Variants in KIF13A observed in about 807,000 individuals in gnomAD.
KIF13A encodes kinesin-like protein KIF13A.
KIF13A carries 79 observed loss-of-function variants against 212.2 expected under a neutral mutation model. The observed-to-expected ratio is 0.37, with a 90% confidence interval of 0.31 to 0.45. The LOEUF is 0.45. Among genes scored for constraint, KIF13A ranks in the 20% least tolerant of loss-of-function variants. The probability of loss-of-function intolerance (pLI) is 1.00; values close to 1 mark genes in which losing one functional copy is unlikely to be tolerated. For missense variants in KIF13A, 1,901 were observed against 2,209.0 expected (o/e 0.86, Z 2.79); for synonymous variants, 789 against 808.6 (o/e 0.98, Z 0.41).
chr6:17,817,042 C>T lies in KIF13A; in HGVS notation c.1978G>A (p.Val660Met). Residue 660 changes from valine to methionine, a missense_variant, in exon 17 of 39, where the codon GTG (valine) becomes ATG (methionine). Coordinates refer to ENST00000259711, the MANE Select transcript of KIF13A (RefSeq NM_022113.6). ...TACCTCTCTTCTGCCCACTGGGTCA[C>T]CTTCTGCTGCGCTGTCTGGCTGCTG... ...AYSSQTAQQK[V>M]TQWAEERDEL... 1 of 1,612,504 alleles carries T rather than the reference C, an allele frequency of 6.2e-7. No individual in the cohort carries two copies. The highest frequency in any genetic ancestry group is 8.5e-7 in the Non-Finnish European group (1 of 1,179,656).
At chr6:17,942,502 A>T (rs1199237459) in intron 2 of KIF13A, among the ~76,000 whole-genome samples, 3 of 152,270 alleles carry the variant, frequency 2.0e-5, no homozygotes, top group South Asian at 2.1e-4. Context: ...CCTACCTCAT[A>T]AAGTTGCAGC....
In KIF13A at chr6:17,772,099, C is replaced by G; in HGVS notation, c.4325-40G>C. ...AAGTTATGAGGTTACAGATGCTGAACACTTTAAGCAAAACATAGGAACTGA... is the reference window on the plus strand; with the variant it reads ...AAGTTATGAGGTTACAGATGCTGAAGACTTTAAGCAAAACATAGGAACTGA... On this transcript the variant is annotated intron_variant, in intron 36 of 38. Transcript: ENST00000259711. This position sits in a 1 kb window ranked among gnomAD's most constrained non-coding sequence, Gnocchi z 4.8. 6.3e-7 allele frequency: 1 copy of G among 1,588,822 alleles called. No homozygotes were observed. Among genetic ancestry groups the G allele is most frequent in the Non-Finnish European group, 8.6e-7 (1 of 1,159,934 alleles).
In KIF13A at chr6:17,779,641, A is replaced by G; in HGVS notation, c.3890T>C (p.Ile1297Thr). ...ATAGGTTACACCACAGGAATAAAAT[A>G]TATTTTTCAGGGATATTCTCCTCTT... is the stretch of plus-strand genomic sequence containing the variant. The part of the protein sequence containing the change: ...SLKRRISLKN[I>T]FYSCGVTYEI... Residue 1297 changes from isoleucine (I) to threonine (T), a missense_variant, in exon 32 of 39, where the codon ATA (isoleucine) becomes ACA (threonine). Physicochemically the swap from Ile to Thr is moderately conservative, Grantham distance 89. Coordinates refer to ENST00000259711, the MANE Select transcript of KIF13A (RefSeq NM_022113.6). The G allele has an allele frequency of 6.6e-7, 1 of 1,522,540 alleles. No homozygotes were observed. Among genetic ancestry groups the G allele is most frequent in the Non-Finnish European group, 9.1e-7 (1 of 1,104,372 alleles). The allele number at this position is 1,522,540 out of a possible 1,614,324, so 94.3% of individuals were successfully genotyped here.
rs759367725 is a variant in KIF13A at position 17,809,729 on chromosome 6, G to A, written c.2001-799C>T. 6.6e-6 allele frequency among the ~76,000 whole-genome samples: 1 copy of A among 152,122 alleles called. No homozygotes were observed. Among genetic ancestry groups the A allele is most frequent in the East Asian group, 1.9e-4 (1 of 5,182 alleles). ...GCTTCTGGATTTCACATTTGAATCT[G>A]GGTTCTAAAGTCACTCCATCTAGCA... is the stretch of plus-strand genomic sequence containing the variant. On this transcript the variant is annotated intron_variant, in intron 17 of 38. Coordinates refer to ENST00000259711, the MANE Select transcript of KIF13A (RefSeq NM_022113.6). The surrounding 1 kb of genome is among the most constrained non-coding windows in gnomAD (Gnocchi z 4.7).
intron 2 of KIF13A, among the ~76,000 whole-genome samples, chr6:17,937,161 T>G (rs1273359660): frequency 6.6e-6 from 1 of 152,140 alleles, no homozygotes; most frequent in Non-Finnish European, 1.5e-5. Flanking sequence ...CTGGGCGACA[T>G]AGTGAGACCC....
chr6:17,959,022 G>T (rs1441284620), intron 2 of KIF13A, among the ~76,000 whole-genome samples: 6 of 151,074 alleles, frequency 4.0e-5, no homozygotes, highest in Non-Finnish European at 8.8e-5. Context: ...CTCCCAAGTA[G>T]CCTCCCAAGT....
At chr6:17,924,550 T>C (rs960898372) in intron 2 of KIF13A, among the ~76,000 whole-genome samples, 1 of 152,168 alleles carries the variant, frequency 6.6e-6, no homozygotes, top group African/African-American at 2.4e-5. Context: ...AAAAATGAAA[T>C]GTCTATAAGC....
chr6:17,908,485 T>C (rs536901474), intron 2 of KIF13A, among the ~76,000 whole-genome samples: 2 of 152,022 alleles, frequency 1.3e-5, no homozygotes, highest in Non-Finnish European at 2.9e-5. Flanking sequence ...GTGCCTATAG[T>C]CCCAGCTATT....
chr6:17,975,514 G>A (rs914601691), intron 2 of KIF13A, among the ~76,000 whole-genome samples: 14 of 152,106 alleles, frequency 9.2e-5, no homozygotes, highest in African/African-American at 2.2e-4. Flanking sequence ...CCCAAAAAGG[G>A]AGCAGCAACA....
rs1038481984 is a variant in KIF13A, at chr6:17,898,094, T to C, written c.159+74A>G. 2.4e-5 allele frequency: 33 copies of C among 1,378,530 alleles called. No homozygotes were observed. Among genetic ancestry groups the C allele is most frequent in the Non-Finnish European group, 3.2e-5 (31 of 979,044 alleles). 85.4% of individuals were successfully genotyped at this position (1,378,530 alleles called of 1,614,324 possible). On this transcript the variant is annotated intron_variant, in intron 3 of 38. Coordinates refer to ENST00000259711, the MANE Select transcript of KIF13A (RefSeq NM_022113.6). This position sits in a 1 kb window ranked among gnomAD's most constrained non-coding sequence, Gnocchi z 5.2. ...TTCTCAATGAGACAGATGTTCTACATGGGTTACAGTGATAAATCCTGGATT... is the reference window on the plus strand; with the variant it reads ...TTCTCAATGAGACAGATGTTCTACACGGGTTACAGTGATAAATCCTGGATT...
In KIF13A at chr6:17,828,952, A is replaced by ATTTT. The variant is rs10667237; in HGVS notation, c.1402-586_1402-583dup. Among the ~76,000 whole-genome samples the ATTTT allele has an allele frequency of 2.7e-5, 4 of 147,626 alleles. No individual in the cohort carries two copies. The highest frequency in any genetic ancestry group is 7.5e-5 in the African/African-American group (3 of 40,102). ...GGGTCATACCATGTACAAACGTGTG[A>ATTTT]TTTTTTTTTTTTTGACATGGTGTCT... On this transcript the variant is annotated intron_variant, in intron 13 of 38. Coordinates refer to ENST00000259711, the MANE Select transcript of KIF13A (RefSeq NM_022113.6). The surrounding 1 kb of genome is among the most constrained non-coding windows in gnomAD (Gnocchi z 4.3).
chr6:17,799,051 A>G lies in KIF13A; in HGVS notation c.2790+215T>C, dbSNP rs1376585617. 6.6e-6 allele frequency among the ~76,000 whole-genome samples: 1 copy of G among 152,220 alleles called. No homozygotes were observed. The highest frequency in any genetic ancestry group is 1.5e-5 in the Non-Finnish European group (1 of 68,042). On this transcript the variant is annotated intron_variant, in intron 22 of 38. Coordinates refer to ENST00000259711, the MANE Select transcript of KIF13A (RefSeq NM_022113.6). The surrounding 1 kb of genome is among the most constrained non-coding windows in gnomAD (Gnocchi z 4.4). The stretch of plus-strand genomic sequence containing the variant: ...TGTAGCAACCTGTCACTGGTGGTTT[A>G]TATCTTTGGGGAACAAGACTGTTGG...
At chr6:17,958,427 G>A (rs1778535946) in intron 2 of KIF13A, among the ~76,000 whole-genome samples, 1 of 152,162 alleles carries the variant, frequency 6.6e-6, no homozygotes, top group African/African-American at 2.4e-5. Flanking sequence ...TATCTAGTTA[G>A]ATACATCAAA....
In KIF13A at chr6:17,987,359, C is replaced by A; in HGVS notation, c.55+50G>T. 8.0e-7 allele frequency: 1 copy of A among 1,245,036 alleles called. No homozygotes were observed. 77.1% of individuals were successfully genotyped at this position (1,245,036 alleles called of 1,614,324 possible). A position where few individuals can be genotyped will look rare whatever the true frequency, so the allele number is the denominator to read the frequency against. ...CCCGGCCCCGCAGTTTCTAAAGTTG[C>A]CCCCGCCCTCAGCCCGAGCAGAAAT... On this transcript the variant is annotated intron_variant, in intron 1 of 38. Transcript: ENST00000259711. The surrounding 1 kb of genome is among the most constrained non-coding windows in gnomAD (Gnocchi z 7.7).
chr6:17,845,227 T>C (rs532149416), intron 9 of KIF13A, among the ~76,000 whole-genome samples: 34 of 152,236 alleles, frequency 2.2e-4, no homozygotes, highest in African/African-American at 8.2e-4. Flanking sequence ...CATGATTCAA[T>C]TAACTTCCAT....
In KIF13A at chr6:17,785,889, C is replaced by T. The variant is rs543312514; in HGVS notation, c.3362-248G>A. 6.6e-6 allele frequency among the ~76,000 whole-genome samples: 1 copy of T among 152,102 alleles called. No homozygotes were observed. Among genetic ancestry groups the T allele is most frequent in the African/African-American group, 2.4e-5 (1 of 41,476 alleles). On this transcript the variant is annotated intron_variant, in intron 27 of 38. Coordinates refer to ENST00000259711, the MANE Select transcript of KIF13A (RefSeq NM_022113.6). This position sits in a 1 kb window ranked among gnomAD's most constrained non-coding sequence, Gnocchi z 5.8. ...CTATCATCACATTACTGTACTAAAG[C>T]CTGGGCAACAGACAAGAGACCCTGT...
chr6:17,779,745 T>TG, intron 31 of KIF13A, 61 bp from the exon 32 acceptor site: 1 of 656,588 alleles, frequency 1.5e-6, no homozygotes, highest in Non-Finnish European at 2.4e-6. Context: ...ATTTTGTATT[T>TG]TTTTTTTTTT....
rs1231990426 is a variant in KIF13A at position 17,982,339 on chromosome 6, C to T, written c.146+4715G>A. 1.6e-6 allele frequency: 1 copy of T among 608,074 alleles called. No individual in the cohort carries two copies. The highest frequency in any genetic ancestry group is 2.0e-5 in the African/African-American group (1 of 48,950). 37.7% of individuals were successfully genotyped at this position (608,074 alleles called of 1,614,324 possible). A position where few individuals can be genotyped will look rare whatever the true frequency, so the allele number is the denominator to read the frequency against. Reference sequence around the variant, plus strand: ...TCTCGAACTCCTGACCTCAGGTGATCTGCCTGCCTTGGCCTCCCAAAGTGC... The same window carrying T: ...TCTCGAACTCCTGACCTCAGGTGATTTGCCTGCCTTGGCCTCCCAAAGTGC... On this transcript the variant is annotated intron_variant, in intron 2 of 38. Coordinates refer to ENST00000259711, the MANE Select transcript of KIF13A (RefSeq NM_022113.6). The surrounding 1 kb of genome is among the most constrained non-coding windows in gnomAD (Gnocchi z 5.1).
intron 3 of KIF13A, among the ~76,000 whole-genome samples, chr6:17,885,025 C>T (rs1469625051): frequency 6.6e-6 from 1 of 152,112 alleles, no homozygotes; most frequent in East Asian, 1.9e-4. Context: ...TTCTAGATTT[C>T]ACTTCATGTT....
Sources: allele counts gnomAD v4.1 joint callset (sites outside exome capture counted in the v4.1 genomes callset), GRCh38; gene constraint gnomAD v4.1.1; non-coding constraint Gnocchi (gnomAD v3.1); transcripts MANE v1.5; gene names NCBI Gene and HGNC (gene_info 2026-07-23, HGNC 2026-07-21).